EIF3E: variants seen among roughly 807,000 people sequenced by gnomAD.
EIF3E encodes eukaryotic translation initiation factor 3 subunit E.
Under a neutral mutation model 59.3 loss-of-function variants are expected in EIF3E, and 25 were observed. The observed-to-expected ratio is 0.42, with a 90% CI of 0.31 to 0.59. The LOEUF is 0.59. EIF3E is among the 20% of genes least tolerant of loss of function. The pLI is 0.15. For synonymous variants in EIF3E, 176 were observed against 170.2 expected (o/e 1.03, Z -0.26); for missense variants, 317 against 534.3 (o/e 0.59, Z 4.01).
At chr8:108,205,913 T>C (rs907297161) in intron 10 of EIF3E, among the ~76,000 whole-genome samples, 7 of 152,218 alleles carry the variant, frequency 4.6e-5, no homozygotes, top group Non-Finnish European at 1.0e-4. Context: ...ATCATAGTTA[T>C]GTGTGCACAG....
At chr8:108,210,471 A>G (rs1815185224) in intron 10 of EIF3E, among the ~76,000 whole-genome samples, 1 of 152,110 alleles carries the variant, frequency 6.6e-6, no homozygotes, top group African/African-American at 2.4e-5. Context: ...TTTCCCGTGT[A>G]ATGTTTAAAG....
chr8:108,211,796 T>C (rs1032853768), intron 10 of EIF3E, among the ~76,000 whole-genome samples: 3 of 152,176 alleles, frequency 2.0e-5, no homozygotes, highest in Admixed American at 2.0e-4. Flanking sequence ...CTGCAAATCA[T>C]AGCATAGCCT....
intron 9 of EIF3E, 72 bp from the exon 10 acceptor site, chr8:108,214,788 A>G (rs141322139): frequency 2.1e-4 from 276 of 1,298,312 alleles, no homozygotes; most frequent in Non-Finnish European, 2.5e-4. Flanking sequence ...CAAATACTTT[A>G]TCTGCTTTAT....
chr8:108,206,946 C>A (rs574132412), intron 10 of EIF3E, among the ~76,000 whole-genome samples: 1 of 152,292 alleles, frequency 6.6e-6, no homozygotes, highest in Non-Finnish European at 1.5e-5. Context: ...TAAATGCCTG[C>A]ACGCTCTGAG....
Position 108,228,472 on chromosome 8 carries a change from A to T in EIF3E, c.598-81T>A, listed in dbSNP as rs559634467. On this transcript the variant is annotated intron_variant, in intron 6 of 12. Transcript: ENST00000220849. Reference sequence around the variant, plus strand: ...GAGGACAAACATCACTAACTTCAAAACTGTAATTAAAAATGAGCCCCTTCT... The same window carrying T: ...GAGGACAAACATCACTAACTTCAAATCTGTAATTAAAAATGAGCCCCTTCT... 4.7e-3 allele frequency: 5,303 copies of T among 1,131,230 alleles called. 16 individuals carry two copies. The highest frequency in any genetic ancestry group is 5.4e-3 in the Non-Finnish European group (4,657 of 864,732). The allele number at this position is 1,131,230 out of a possible 1,614,324, so 70.1% of individuals were successfully genotyped here. A position where few individuals can be genotyped will look rare whatever the true frequency, so the allele number is the denominator to read the frequency against.
intron 11 of EIF3E, 27 bp from the exon 12 acceptor site, chr8:108,203,144 C>T: frequency 6.2e-7 from 1 of 1,600,876 alleles, no homozygotes. Flanking sequence ...GGAAATTGAT[C>T]CTATAATGTT....
intron 1 of EIF3E, chr8:108,242,123 A>T (rs898564635): frequency 6.9e-7 from 1 of 1,439,656 alleles, no homozygotes; most frequent in Admixed American, 2.1e-5. Context: ...TAAAAATTTT[A>T]AAATGAAGAG....
intron 7 of EIF3E, 135 bp downstream of exon 7, chr8:108,228,132 C>G: frequency 1.0e-6 from 1 of 965,760 alleles, no homozygotes; most frequent in East Asian, 2.8e-5. Context: ...CAGTAACAAG[C>G]AAATCTACTA....
chr8:108,206,598 A>G (rs1305517771), intron 10 of EIF3E, among the ~76,000 whole-genome samples: 16 of 136,656 alleles, frequency 1.2e-4, no homozygotes, highest in East Asian at 4.0e-4. Flanking sequence ...ATGTGCACAC[A>G]CACACACACA....
chr8:108,225,087 A>C (rs1031605934), intron 7 of EIF3E, among the ~76,000 whole-genome samples: 1 of 151,654 alleles, frequency 6.6e-6, no homozygotes, highest in African/African-American at 2.4e-5. Flanking sequence ...GCACTTGTGC[A>C]ACTGAGAAAC....
At position 108,230,289 on chromosome 8, in the gene EIF3E, C is replaced by T. The variant is rs190665853; in HGVS notation, c.472-1094G>A. Among the ~76,000 whole-genome samples the T allele has an allele frequency of 1.7e-4, 26 of 152,250 alleles. No individual in the cohort carries two copies. In the East Asian group the frequency reaches 4.2e-3, roughly 25 times the overall value. ...GCTAGTTTGTACTTTAGCTTCCTCA[C>T]TGCAACATGGGGATAGAACCCACCT... On this transcript the variant is annotated intron_variant, in intron 5 of 12. Transcript: ENST00000220849.
chr8:108,214,754 C>G, intron 9 of EIF3E, 38 bp from the exon 10 acceptor site: 1 of 1,537,096 alleles, frequency 6.5e-7, no homozygotes, highest in African/African-American at 1.4e-5. Flanking sequence ...ATGATGCTGA[C>G]AAGCAATTGC....
At chr8:108,219,285 T>C (rs183430420) in intron 7 of EIF3E, among the ~76,000 whole-genome samples, 1 of 152,304 alleles carries the variant, frequency 6.6e-6, no homozygotes, top group Non-Finnish European at 1.5e-5. Flanking sequence ...AATCTACTCT[T>C]TGTTTCTGTG....
At chr8:108,202,813 C>T (rs1445521198) in intron 12 of EIF3E, among the ~76,000 whole-genome samples, 170 bp downstream of exon 12, 1 of 151,954 alleles carries the variant, frequency 6.6e-6, no homozygotes, top group African/African-American at 2.4e-5. Context: ...ATGTTTAATG[C>T]ATATAATACA....
chr8:108,206,388 A>C (rs1673160215), intron 10 of EIF3E, among the ~76,000 whole-genome samples: 1 of 152,158 alleles, frequency 6.6e-6, no homozygotes, highest in South Asian at 2.1e-4. Context: ...GAAATGCAAA[A>C]AGGTCTACCA....
rs1449325844 is a variant in EIF3E at position 108,222,763 on chromosome 8, G to A, written c.723-5303C>T. Reference sequence around the variant, plus strand: ...TCTTGTATTACTTATTATGTTACTCGTTTGAATTCTAAGCTGTGTAATAGC... The same window carrying A: ...TCTTGTATTACTTATTATGTTACTCATTTGAATTCTAAGCTGTGTAATAGC... On this transcript the variant is annotated intron_variant, in intron 7 of 12. Coordinates refer to ENST00000220849, the MANE Select transcript of EIF3E (RefSeq NM_001568.3). Among the ~76,000 whole-genome samples the A allele has an allele frequency of 3.4e-5, 5 of 148,996 alleles. No homozygotes were observed. In the South Asian group the frequency reaches 6.3e-4, roughly 19 times the overall value.
chr8:108,203,510 A>G lies in EIF3E; in HGVS notation c.1062-7T>C. 1 of 1,611,246 alleles carries G rather than the reference A, an allele frequency of 6.2e-7. No individual in the cohort carries two copies. Among genetic ancestry groups the G allele is most frequent in the Non-Finnish European group, 8.5e-7 (1 of 1,177,902 alleles). On this transcript the variant is annotated splice_region_variant and splice_polypyrimidine_tract_variant and intron_variant, in intron 10 of 12. Transcript: ENST00000220849. ...CAATTTATCTGCCAACATGCTAATG[A>G]AAAAGTAAAAACAGCAATGTTAATT...
intron 11 of EIF3E, 55 bp downstream of exon 11, chr8:108,203,346 C>T: frequency 6.6e-7 from 1 of 1,505,108 alleles, no homozygotes; most frequent in East Asian, 2.3e-5. Context: ...GTTAAGAATT[C>T]CCAAAAGTAT....
chr8:108,228,470 A>T (rs1343526111), intron 6 of EIF3E, 79 bp from the exon 7 acceptor site: 14 of 1,140,570 alleles, frequency 1.2e-5, no homozygotes, highest in Non-Finnish European at 1.6e-5. Context: ...ACTAACTTCA[A>T]AACTGTAATT....
Sources: allele counts gnomAD v4.1 joint callset (sites outside exome capture counted in the v4.1 genomes callset), GRCh38; gene constraint gnomAD v4.1.1; transcripts MANE v1.5; gene names NCBI Gene and HGNC (gene_info 2026-07-23, HGNC 2026-07-21).